SLC6A19: variants seen among roughly 807,000 people sequenced by gnomAD.
SLC6A19 encodes sodium-dependent neutral amino acid transporter B(0)AT1.
SLC6A19 carries 67 observed loss-of-function variants against 68.3 expected under a neutral mutation model. That is an observed-to-expected ratio of 0.98 (90% CI 0.81 to 1.20). The LOEUF is 1.20. Ranked by LOEUF, SLC6A19 falls within the 50% of genes most tolerant of loss-of-function variation. The probability of loss-of-function intolerance (pLI) is 0.00; values close to 1 mark genes in which losing one functional copy is unlikely to be tolerated. For synonymous variants in SLC6A19, 392 were observed against 374.9 expected (o/e 1.05, Z -0.53); for missense variants, 813 against 851.6 (o/e 0.95, Z 0.56).
At position 1,208,746 on chromosome 5, in the gene SLC6A19, G is replaced by A. The variant is rs1745926293; in HGVS notation, c.203G>A (p.Gly68Glu). 6.2e-7 allele frequency: 1 copy of A among 1,613,300 alleles called. No homozygotes were observed. The highest frequency in any genetic ancestry group is 1.7e-5 in the Admixed American group (1 of 60,012). ...FPYLCQSHGG[G>E]AFMIPFLILL... ...GCATGGTGGACTCCTCCCATTGCAG[G>A]AGCCTTCATGATCCCGTTCCTCATC... The change falls in exon 2 of 12, where the codon GGA becomes GAA. Residue 68 changes from glycine to glutamate, a missense_variant and splice_region_variant. Coordinates refer to ENST00000304460, the MANE Select transcript of SLC6A19 (RefSeq NM_001003841.3).
At chr5:1,213,658 AC>A in intron 5 of SLC6A19, 85 bp downstream of exon 5, 1 of 1,321,074 alleles carries the variant, frequency 7.6e-7, no homozygotes, top group Non-Finnish European at 1.1e-6. Flanking sequence ...ACCAGCTCTC[AC>A]CCACGGGGAC....
At chr5:1,210,651 G>A (rs1745999876) in intron 3 of SLC6A19, 70 bp downstream of exon 3, 1 of 1,600,188 alleles carries the variant, frequency 6.2e-7, no homozygotes, top group Non-Finnish European at 8.5e-7. Flanking sequence ...CAGGCACATG[G>A]CCTCAGGAAA....
Position 1,209,560 on chromosome 5 carries a change from A to G in SLC6A19, c.343+674A>G, listed in dbSNP as rs1745964332. On this transcript the variant is annotated intron_variant, in intron 2 of 11. Coordinates refer to ENST00000304460, the MANE Select transcript of SLC6A19 (RefSeq NM_001003841.3). The surrounding 1 kb of genome is among the most constrained non-coding windows in gnomAD (Gnocchi z 5.5). ...GGGCAGAGCCCACACCCTCTCGCTG[A>G]GTATCCAAGACCTCCCTCCTCCCTC... is the stretch of plus-strand genomic sequence containing the variant. 6.6e-6 allele frequency among the ~76,000 whole-genome samples: 1 copy of G among 151,934 alleles called. No individual in the cohort carries two copies. The highest frequency in any genetic ancestry group is 1.5e-5 in the Non-Finnish European group (1 of 67,966).
chr5:1,206,020 C>T (rs1234871153), intron 1 of SLC6A19, among the ~76,000 whole-genome samples: 1 of 152,216 alleles, frequency 6.6e-6, no homozygotes, highest in Non-Finnish European at 1.5e-5. Context: ...GGAACCTGTC[C>T]CTGGAACCCC....
chr5:1,222,308 TGTG>T lies in SLC6A19; in HGVS notation c.*405_*407del, dbSNP rs1746411048. 1.1e-5 allele frequency: 6 copies of T among 538,770 alleles called. No homozygotes were observed. Among genetic ancestry groups the T allele is most frequent in the South Asian group, 3.1e-5 (1 of 32,382 alleles). 33.4% of individuals were successfully genotyped at this position (538,770 alleles called of 1,614,324 possible). The stretch of plus-strand genomic sequence containing the variant: ...TATATATAGACATACATGCCTATGT[TGTG>T]TGTGGTGTGCATATGTGTGAACACA... On this transcript the variant is annotated 3_prime_UTR_variant, in exon 12 of 12. Coordinates refer to ENST00000304460, the MANE Select transcript of SLC6A19 (RefSeq NM_001003841.3).
Position 1,201,766 on chromosome 5 carries a change from C to A in SLC6A19, c.116C>A (p.Ala39Glu). The A allele has an allele frequency of 1.2e-6, 2 of 1,612,796 alleles. No individual in the cohort carries two copies. The highest frequency in any genetic ancestry group is 1.7e-6 in the Non-Finnish European group (2 of 1,179,906). The part of the protein sequence containing the change: ...ASSRPKWDNK[A>E]QYMLTCLGFC... The stretch of plus-strand genomic sequence containing the variant: ...TCCCGGCCGAAGTGGGACAACAAGG[C>A]GCAGTACATGCTCACCTGCCTGGGC... Residue 39 changes from alanine (A) to glutamate (E), a missense_variant, in exon 1 of 12, where the codon GCG (alanine) becomes GAG (glutamate). Physicochemically the swap from Ala to Glu is moderately radical, Grantham distance 107 (BLOSUM62 -1). Transcript: ENST00000304460.
rs928574144 is a variant in SLC6A19, at chr5:1,201,726, CAGG to C, written c.83_85del (p.Glu28del). The C allele has an allele frequency of 5.6e-6, 9 of 1,612,424 alleles. No individual in the cohort carries two copies. Among genetic ancestry groups the C allele is most frequent in the African/African-American group, 2.7e-5 (2 of 74,930 alleles). ...CCTGGCTGAGCTGGAGACCATCGAGCAGGAGGAGGCCAGCTCCCGGCCGAAGTG... is the reference window on the plus strand; with the variant it reads ...CCTGGCTGAGCTGGAGACCATCGAGCAGGAGGCCAGCTCCCGGCCGAAGTG... On this transcript the variant is annotated inframe_deletion, in exon 1 of 12. Transcript: ENST00000304460.
rs1746382740 is a variant in SLC6A19 at position 1,221,591 on chromosome 5, G to A, written c.1702-110G>A. The stretch of plus-strand genomic sequence containing the variant: ...AGCTGGAGGAGCCCCAGGCCACCCT[G>A]CCTGCCCCACAGGACAGGAGGTGAG... On this transcript the variant is annotated intron_variant, in intron 11 of 11. Transcript: ENST00000304460. 49 of 1,386,622 alleles carry A rather than the reference G, an allele frequency of 3.5e-5. No individual in the cohort carries two copies. The South Asian group carries it at 5.1e-4, about 14-fold the overall frequency. 85.9% of individuals were successfully genotyped at this position (1,386,622 alleles called of 1,614,324 possible). A position where few individuals can be genotyped will look rare whatever the true frequency, so the allele number is the denominator to read the frequency against.
chr5:1,207,971 C>T lies in SLC6A19; in HGVS notation c.203-775C>T, dbSNP rs531748829. Among the ~76,000 whole-genome samples the T allele has an allele frequency of 1.0e-3, 152 of 152,340 alleles. 1 individual carries two copies. The highest frequency in any genetic ancestry group is 1.4e-3 in the Non-Finnish European group (96 of 68,030). The stretch of plus-strand genomic sequence containing the variant: ...AGAGGTGGGTAGATCCCCCATAAGA[C>T]AAGACCGTTGTCACAGCAGAAGCAG... On this transcript the variant is annotated intron_variant, in intron 1 of 11. Coordinates refer to ENST00000304460, the MANE Select transcript of SLC6A19 (RefSeq NM_001003841.3).
chr5:1,208,693 T>G, intron 1 of SLC6A19, 53 bp from the exon 2 acceptor site: 1 of 1,612,182 alleles, frequency 6.2e-7, no homozygotes, highest in East Asian at 2.2e-5. Context: ...GAGGGAGGCC[T>G]TCCTGCTCCC....
chr5:1,210,465 C>T lies in SLC6A19; in HGVS notation c.365C>T (p.Ser122Phe), dbSNP rs1208013436. 2.5e-6 allele frequency: 4 copies of T among 1,613,214 alleles called. No individual in the cohort carries two copies. Among genetic ancestry groups the T allele is most frequent in the Admixed American group, 1.7e-5 (1 of 60,004 alleles). The change falls in exon 3 of 12, where the codon TCC becomes TTC. Residue 122 changes from serine (S) to phenylalanine (F), a missense_variant. Transcript: ENST00000304460. The stretch of plus-strand genomic sequence containing the variant: ...GCAGGCCTGGCCTCCATGCTCACGT[C>T]CTTCATGGTGGGACTGTATTACAAC... ...KGLGLASMLT[S>F]FMVGLYYNTI...
chr5:1,208,444 G>A (rs1745916787), intron 1 of SLC6A19, among the ~76,000 whole-genome samples: 1 of 152,166 alleles, frequency 6.6e-6, no homozygotes, highest in African/African-American at 2.4e-5. Context: ...GTGGTTGCAT[G>A]TTGGTCAGAG....
In SLC6A19 at chr5:1,219,626, C is replaced by A. The variant is rs756158809; in HGVS notation, c.1500C>A (p.Cys500Ter). Residue 500 changes from cysteine to a stop codon, truncating the protein, a stop_gained, in exon 10 of 12, where the codon TGC becomes TGA. Transcript: ENST00000304460. LOFTEE classifies it high-confidence loss of function. Reference protein sequence around the residue: ...GSIPLLIIAFCEMFSVVYVYG... With the variant: ...GSIPLLIIAF ...TTCCCCTGCTCATCATCGCCTTCTG[C>A]GAGATGTTCTCTGTGGTCTACGTGT... 1 of 1,609,002 alleles carries A rather than the reference C, an allele frequency of 6.2e-7. No homozygotes were observed. Among genetic ancestry groups the A allele is most frequent in the African/African-American group, 1.3e-5 (1 of 75,058 alleles).
At chr5:1,218,871 G>C in intron 8 of SLC6A19, 32 bp from the exon 9 acceptor site, 1 of 1,604,948 alleles carries the variant, frequency 6.2e-7, no homozygotes, top group Non-Finnish European at 8.5e-7. Context: ...ACGGAGGGCA[G>C]AGGCCCTGGT....
At chr5:1,211,096 T>A (rs980169275) in intron 3 of SLC6A19, among the ~76,000 whole-genome samples, 5 of 152,184 alleles carry the variant, frequency 3.3e-5, no homozygotes, top group Admixed American at 1.3e-4. Flanking sequence ...CACGTGGTCC[T>A]GGGGCCTGAA....
chr5:1,202,880 T>C (rs1208669836), intron 1 of SLC6A19, among the ~76,000 whole-genome samples: 1 of 152,166 alleles, frequency 6.6e-6, no homozygotes, highest in Non-Finnish European at 1.5e-5. Context: ...ATCACTGCCT[T>C]GCGGGGGTGG....
rs1263144846 is a variant in SLC6A19 at position 1,219,001 on chromosome 5, C to G, written c.1272C>G (p.Leu424=). Residue 424 remains leucine (L), a synonymous_variant, in exon 9 of 12, where the codon CTC becomes CTG. Coordinates refer to ENST00000304460, the MANE Select transcript of SLC6A19 (RefSeq NM_001003841.3). ...PLWSVLFFIM[L]FCLGLSSMFG... is the part of the protein sequence containing the mutation. The stretch of plus-strand genomic sequence containing the variant: ...GGTCTGTGCTCTTCTTCATTATGCT[C>G]TTCTGCCTGGGGCTGTCATCTATGT... 6.2e-7 allele frequency: 1 copy of G among 1,614,028 alleles called. No individual in the cohort carries two copies. The highest frequency in any genetic ancestry group is 1.3e-5 in the African/African-American group (1 of 74,930).
chr5:1,204,817 C>G (rs150830706), intron 1 of SLC6A19, among the ~76,000 whole-genome samples: 399 of 152,354 alleles, frequency 2.6e-3, no homozygotes, highest in African/African-American at 9.2e-3. Flanking sequence ...AACGCCTGGC[C>G]CCGGGGTCAG....
At chr5:1,201,886 G>A (rs764000730) in intron 1 of SLC6A19, 34 bp downstream of exon 1, 33 of 1,595,954 alleles carry the variant, frequency 2.1e-5, no homozygotes, top group Non-Finnish European at 2.3e-5. Flanking sequence ...GGGCGAGGCC[G>A]TGGCCAGGGA....
Sources: allele counts gnomAD v4.1 joint callset (sites outside exome capture counted in the v4.1 genomes callset), GRCh38; gene constraint gnomAD v4.1.1; non-coding constraint Gnocchi (gnomAD v3.1); transcripts MANE v1.5; gene names NCBI Gene and HGNC (gene_info 2026-07-23, HGNC 2026-07-21).